Variants in LINGO2 observed in about 807,000 individuals in gnomAD.
The protein encoded by LINGO2 is leucine-rich repeat and immunoglobulin-like domain-containing nogo receptor-interacting protein 2.
Under a neutral mutation model 30.6 loss-of-function variants are expected in LINGO2, and 14 were observed. That is an observed-to-expected ratio of 0.46 (90% CI 0.30 to 0.72). The LOEUF is 0.72. Among genes scored for constraint, LINGO2 ranks in the 30% least tolerant of loss-of-function variants. The probability of loss-of-function intolerance (pLI) is 0.07; values close to 1 mark genes in which losing one functional copy is unlikely to be tolerated. For missense variants in LINGO2, 729 were observed against 751.7 expected (o/e 0.97, Z 0.35); for synonymous variants, 317 against 288.5 (o/e 1.10, Z -1.00).
chr9:28,496,623 C>G (rs1819640354), intron 1 of LINGO2, among the ~76,000 whole-genome samples: 1 of 152,082 alleles, frequency 6.6e-6, no homozygotes, highest in Non-Finnish European at 1.5e-5. Context: ...ATTTGCCAGT[C>G]TGTGTCTTTT....
At chr9:29,027,043 T>C in the LINGO2 span, among the ~76,000 whole-genome samples, 1 of 152,192 alleles carries the variant, frequency 6.6e-6, no homozygotes, top group African/African-American at 2.4e-5. Flanking sequence ...AGGTGAAATG[T>C]TATTTCACAT....
rs867196150 is a variant in LINGO2 at position 28,437,593 on chromosome 9, C to A, written c.-279+38347G>T. Among the ~76,000 whole-genome samples, 492 of 147,538 alleles carry A rather than the reference C, an allele frequency of 3.3e-3. 4 individuals are homozygous for A. The highest frequency in any genetic ancestry group is 0.012 in the African/African-American group (451 of 38,678). On this transcript the variant is annotated intron_variant, in intron 2 of 5. Transcript: ENST00000379992. ...CACACACACAGACGCGCACACACAC[C>A]CACACACACACATACAGATCACTTC...
chr9:28,503,357 C>T (rs1411685723), intron 1 of LINGO2, among the ~76,000 whole-genome samples: 1 of 151,968 alleles, frequency 6.6e-6, no homozygotes, highest in Non-Finnish European at 1.5e-5. Context: ...CTAAAATCAA[C>T]ATATTGAAGA....
At chr9:28,911,460 A>G in the LINGO2 span, among the ~76,000 whole-genome samples, 1 of 152,012 alleles carries the variant, frequency 6.6e-6, no homozygotes, top group Non-Finnish European at 1.5e-5. Flanking sequence ...TCTTTGATCA[A>G]CATCCATTTT....
At chr9:28,801,145 T>C in the LINGO2 span, among the ~76,000 whole-genome samples, 3 of 152,106 alleles carry the variant, frequency 2.0e-5, no homozygotes, top group Admixed American at 2.0e-4. Flanking sequence ...TTAATGACCA[T>C]GCAAGAAGCT....
intron 1 of LINGO2, among the ~76,000 whole-genome samples, chr9:28,510,716 A>G (rs540132791): frequency 1.3e-5 from 2 of 152,088 alleles, no homozygotes; most frequent in Non-Finnish European, 2.9e-5. Context: ...GTGTACACAC[A>G]CACAGTCTTT....
chr9:28,602,478 T>A (rs1825528254), intron 1 of LINGO2, among the ~76,000 whole-genome samples: 1 of 152,084 alleles, frequency 6.6e-6, no homozygotes, highest in Non-Finnish European at 1.5e-5. Flanking sequence ...CTTAAATTTC[T>A]GATACATCAA....
At chr9:27,999,907 G>T (rs1821863626) in intron 5 of LINGO2, among the ~76,000 whole-genome samples, 1 of 151,972 alleles carries the variant, frequency 6.6e-6, no homozygotes, top group South Asian at 2.1e-4. Flanking sequence ...CTAATAAAAG[G>T]CAATAAAATG....
chr9:28,051,545 C>T (rs777935424), intron 4 of LINGO2, among the ~76,000 whole-genome samples: 27 of 152,188 alleles, frequency 1.8e-4, no homozygotes, highest in Middle Eastern at 3.4e-3. Flanking sequence ...CAGCAGGGAA[C>T]AGATAAATTC....
chr9:28,676,130 A>T, the LINGO2 span, among the ~76,000 whole-genome samples: 1 of 151,158 alleles, frequency 6.6e-6, no homozygotes, highest in South Asian at 2.1e-4. Context: ...AAACTGAAAC[A>T]TGGCATTAAT....
At chr9:28,057,179 G>A (rs1824968870) in intron 4 of LINGO2, among the ~76,000 whole-genome samples, 1 of 152,072 alleles carries the variant, frequency 6.6e-6, no homozygotes, top group Non-Finnish European at 1.5e-5. Context: ...CTACTAAGAT[G>A]CTGGCTACAC....
chr9:29,188,472 C>T, the LINGO2 span, among the ~76,000 whole-genome samples: 1 of 152,144 alleles, frequency 6.6e-6, no homozygotes, highest in Non-Finnish European at 1.5e-5. Context: ...CCCACCTTTC[C>T]CGCCTTTCTA....
At chr9:28,632,681 A>G (rs1393880651) in intron 1 of LINGO2, among the ~76,000 whole-genome samples, 1 of 94,736 alleles carries the variant, frequency 1.1e-5, no homozygotes. Flanking sequence ...TATCTATATA[A>G]AAATATATTT....
intron 1 of LINGO2, among the ~76,000 whole-genome samples, chr9:28,537,126 C>T (rs1821468416): frequency 1.3e-5 from 2 of 152,078 alleles, no homozygotes; most frequent in Admixed American, 6.6e-5. Context: ...AGATTGCTAG[C>T]AAACCACCAG....
chr9:29,142,014 T>A, the LINGO2 span, among the ~76,000 whole-genome samples: 1 of 151,786 alleles, frequency 6.6e-6, no homozygotes, highest in Non-Finnish European at 1.5e-5. Context: ...AGAAAATCAG[T>A]GAGAAAACAG....
chr9:28,267,198 A>G (rs944834494), intron 4 of LINGO2, among the ~76,000 whole-genome samples: 1 of 151,938 alleles, frequency 6.6e-6, no homozygotes, highest in Non-Finnish European at 1.5e-5. Flanking sequence ...CTCCAGAACA[A>G]TGTCTCTCAT....
the LINGO2 span, among the ~76,000 whole-genome samples, chr9:28,799,335 T>C: frequency 6.6e-6 from 1 of 151,932 alleles, no homozygotes; most frequent in Non-Finnish European, 1.5e-5. Context: ...TTGAGCAAGA[T>C]AGAGAAGCAA....
chr9:28,588,979 T>G (rs980520696), intron 1 of LINGO2, among the ~76,000 whole-genome samples: 1 of 152,102 alleles, frequency 6.6e-6, no homozygotes, highest in Non-Finnish European at 1.5e-5. Flanking sequence ...GTCTTAACTA[T>G]GCAAGGCTGG....
Position 28,011,654 on chromosome 9 carries a change from T to C in LINGO2, c.-36+701A>G, listed in dbSNP as rs141908806. Among the ~76,000 whole-genome samples the C allele has an allele frequency of 2.5e-3, 387 of 152,298 alleles. 2 individuals are homozygous for C. Among genetic ancestry groups the C allele is most frequent in the African/African-American group, 8.8e-3 (364 of 41,552 alleles). Reference sequence around the variant, plus strand: ...TTAAAAGTGATGGAATTGTATTTGATATATATATTAGTTAGAAGCTTCATG... The same window carrying C: ...TTAAAAGTGATGGAATTGTATTTGACATATATATTAGTTAGAAGCTTCATG... On this transcript the variant is annotated intron_variant, in intron 5 of 5. Transcript: ENST00000379992.
Sources: gnomAD v4.1 joint callset for allele counts (sites outside exome capture counted in the v4.1 genomes callset) on GRCh38, gnomAD v4.1.1 for gene constraint, MANE v1.5 for transcripts, NCBI Gene and HGNC (gene_info 2026-07-23, HGNC 2026-07-21) for gene names.